ANXA6: variants seen among roughly 807,000 people sequenced by gnomAD.
The protein encoded by ANXA6 is annexin A6, also known as 67 kDa calelectrin.
Under a neutral mutation model 95.4 loss-of-function variants are expected in ANXA6, and 71 were observed. The observed-to-expected ratio is 0.74, with a 90% CI of 0.61 to 0.91. The LOEUF (loss-of-function observed/expected upper bound fraction) is 0.91. Ranked by LOEUF, ANXA6 falls within the 40% of genes least tolerant of loss-of-function variation. The probability of loss-of-function intolerance (pLI) is 0.00; values close to 1 mark genes in which losing one functional copy is unlikely to be tolerated. For synonymous variants in ANXA6, 289 were observed against 315.9 expected (o/e 0.91, Z 0.90); for missense variants, 830 against 876.4 (o/e 0.95, Z 0.67).
At chr5:151,152,975 T>C (rs760271105) in intron 1 of ANXA6, among the ~76,000 whole-genome samples, 2 of 151,768 alleles carry the variant, frequency 1.3e-5, no homozygotes, top group African/African-American at 2.4e-5. Context: ...AAAGAAATAA[T>C]ATGGAAAATC....
chr5:151,137,324 G>A lies in ANXA6; in HGVS notation c.319-3C>T. 1 of 1,611,636 alleles carries A rather than the reference G, an allele frequency of 6.2e-7. No individual in the cohort carries two copies. Among genetic ancestry groups the A allele is most frequent in the Non-Finnish European group, 8.5e-7 (1 of 1,178,876 alleles). The stretch of plus-strand genomic sequence containing the variant: ...CACTTCTCATCAGTGCCAATGCCCT[G>A]GGGGTAGAAAAAGAGCGCATGAATT... On this transcript the variant is annotated splice_region_variant and splice_polypyrimidine_tract_variant and intron_variant, in intron 5 of 25. Transcript: ENST00000354546.
chr5:151,135,247 T>C (rs926656080), intron 7 of ANXA6, among the ~76,000 whole-genome samples: 1 of 152,142 alleles, frequency 6.6e-6, no homozygotes, highest in Admixed American at 6.5e-5. Context: ...AAGCTTACAA[T>C]GTGTGCCGCG....
At position 151,133,076 on chromosome 5, in the gene ANXA6, G is replaced by T; in HGVS notation, c.640+18C>A. On this transcript the variant is annotated intron_variant, in intron 9 of 25. Coordinates refer to ENST00000354546, the MANE Select transcript of ANXA6 (RefSeq NM_001155.5). ...CATCAACCCAAGGGAGCAGCTTCAG[G>T]TCTTCTCTGGAGCTTACCCAACCGA... 2 of 1,559,628 alleles carry T rather than the reference G, an allele frequency of 1.3e-6. No individual in the cohort carries two copies. The highest frequency in any genetic ancestry group is 1.7e-6 in the Non-Finnish European group (2 of 1,144,614).
intron 24 of ANXA6, among the ~76,000 whole-genome samples, chr5:151,104,797 C>A (rs528653428): frequency 7.3e-4 from 111 of 152,304 alleles, no homozygotes; most frequent in African/African-American, 2.6e-3. Flanking sequence ...TCCTAGGAGA[C>A]CCTGTGTCCC....
At position 151,122,902 on chromosome 5, in the gene ANXA6, G is replaced by A. The variant is rs568936481; in HGVS notation, c.1233+15C>T. On this transcript the variant is annotated intron_variant, in intron 16 of 25. Coordinates refer to ENST00000354546, the MANE Select transcript of ANXA6 (RefSeq NM_001155.5). ...GCATGCATGTTGCACAGAGAGCCCA[G>A]GAGGAGGTCCTTACCCGGCCAAAGT... 1.2e-5 allele frequency: 20 copies of A among 1,612,372 alleles called. No homozygotes were observed. In the South Asian group the frequency reaches 1.9e-4, roughly 15 times the overall value.
At position 151,101,052 on chromosome 5, in the gene ANXA6, A is replaced by T; in HGVS notation, c.*396T>A. Reference sequence around the variant, plus strand: ...TCCTTCCCACCACCCCGCCCAGCACATTCAACTGGCCCCTGCCACCAACCC... The same window carrying T: ...TCCTTCCCACCACCCCGCCCAGCACTTTCAACTGGCCCCTGCCACCAACCC... On this transcript the variant is annotated 3_prime_UTR_variant, in exon 26 of 26. Coordinates refer to ENST00000354546, the MANE Select transcript of ANXA6 (RefSeq NM_001155.5). 1 of 471,726 alleles carries T rather than the reference A, an allele frequency of 2.1e-6. No individual in the cohort carries two copies. The highest frequency in any genetic ancestry group is 4.2e-6 in the Non-Finnish European group (1 of 237,732). The allele number at this position is 471,726 out of a possible 1,614,324, so 29.2% of individuals were successfully genotyped here. A position where few individuals can be genotyped will look rare whatever the true frequency, so the allele number is the denominator to read the frequency against.
intron 23 of ANXA6, among the ~76,000 whole-genome samples, chr5:151,107,156 T>TAA (rs1246082806): frequency 1.3e-5 from 2 of 152,222 alleles, no homozygotes; most frequent in Non-Finnish European, 2.9e-5. Context: ...TGCGTGCAAC[T>TAA]AACTTTGCGC....
intron 20 of ANXA6, among the ~76,000 whole-genome samples, chr5:151,115,435 C>T (rs1207285973): frequency 6.6e-6 from 1 of 152,186 alleles, no homozygotes; most frequent in Non-Finnish European, 1.5e-5. Flanking sequence ...CCCGGGTTCT[C>T]TCTCTCCACT....
intron 13 of ANXA6, 63 bp from the exon 14 acceptor site, chr5:151,126,543 A>AACAC (rs3079845): frequency 0.029 from 23,906 of 827,558 alleles, 95 homozygotes; most frequent in South Asian, 0.031. Flanking sequence ...CACTCACACC[A>AACAC]ACACACACAC....
At chr5:151,139,479 C>G (rs200814972) in intron 3 of ANXA6, 32 bp from the exon 4 acceptor site, 8 of 1,555,660 alleles carry the variant, frequency 5.1e-6, no homozygotes, top group Non-Finnish European at 7.1e-6. Context: ...ATCATCCTAC[C>G]CACCCTGCCT....
chr5:151,151,892 C>T (rs369714022), intron 1 of ANXA6, among the ~76,000 whole-genome samples: 5 of 152,216 alleles, frequency 3.3e-5, no homozygotes, highest in African/African-American at 9.6e-5. Flanking sequence ...TATACTGTGA[C>T]GACTTATCAT....
chr5:151,139,206 C>G, intron 4 of ANXA6, 147 bp downstream of exon 4: 1 of 624,848 alleles, frequency 1.6e-6, no homozygotes, highest in Non-Finnish European at 2.8e-6. Context: ...AGACGCCCAG[C>G]TGATGAGAAG....
At chr5:151,127,141 C>T (rs754249099) in intron 13 of ANXA6, among the ~76,000 whole-genome samples, 4 of 152,250 alleles carry the variant, frequency 2.6e-5, no homozygotes, top group African/African-American at 4.8e-5. Flanking sequence ...TCTCCCCTCT[C>T]AAAGAGGCCA....
intron 14 of ANXA6, among the ~76,000 whole-genome samples, chr5:151,125,111 C>A (rs1391924599): frequency 6.6e-6 from 1 of 152,140 alleles, no homozygotes; most frequent in Non-Finnish European, 1.5e-5. Flanking sequence ...AATCTCAGCA[C>A]TTTGGGAGGC....
chr5:151,136,173 C>T, intron 7 of ANXA6, 83 bp downstream of exon 7: 1 of 1,350,572 alleles, frequency 7.4e-7, no homozygotes, highest in Non-Finnish European at 1.0e-6. Flanking sequence ...CTGACCAGAC[C>T]CTGGACATTC....
At position 151,142,888 on chromosome 5, in the gene ANXA6, G is replaced by T. The variant is rs59768143; in HGVS notation, c.19-2645C>A. Among the ~76,000 whole-genome samples the T allele has an allele frequency of 7.5e-3, 1,149 of 152,318 alleles. 16 individuals carry two copies. Among genetic ancestry groups the T allele is most frequent in the African/African-American group, 0.026 (1,070 of 41,578 alleles). ...TGCCACCAGGGGCAGGTCCTCCAGG[G>T]TCTGTCCGGGCCCTCTGCAGGCTAG... On this transcript the variant is annotated intron_variant, in intron 2 of 25. Transcript: ENST00000354546.
intron 14 of ANXA6, 109 bp downstream of exon 14, chr5:151,126,293 G>A (rs747257321): frequency 2.1e-4 from 183 of 856,618 alleles, no homozygotes; most frequent in Middle Eastern, 6.6e-4. Flanking sequence ...GAGAATCAAC[G>A]TGTCGGGTTG....
chr5:151,140,089 G>C, intron 3 of ANXA6, 64 bp downstream of exon 3: 1 of 1,451,302 alleles, frequency 6.9e-7, no homozygotes, highest in Non-Finnish European at 9.5e-7. Context: ...ACCACCAGAA[G>C]GGCTCTGGGC....
Position 151,136,247 on chromosome 5 carries a change from T to C in ANXA6, c.489+9A>G, listed in dbSNP as rs776860467. 6.2e-7 allele frequency: 1 copy of C among 1,613,736 alleles called. No homozygotes were observed. Among genetic ancestry groups the C allele is most frequent in the Non-Finnish European group, 8.5e-7 (1 of 1,179,736 alleles). ...AGCTCCAGAGGAAAAAAATAGGCTG[T>C]GAACCAACCTGGAGCAGGACCACAA... On this transcript the variant is annotated intron_variant, in intron 7 of 25. Coordinates refer to ENST00000354546, the MANE Select transcript of ANXA6 (RefSeq NM_001155.5).
Sources: allele counts gnomAD v4.1 joint callset (sites outside exome capture counted in the v4.1 genomes callset), GRCh38; gene constraint gnomAD v4.1.1; transcripts MANE v1.5; gene names NCBI Gene and HGNC (gene_info 2026-07-23, HGNC 2026-07-21).